GPR141: variants seen among roughly 807,000 people sequenced by gnomAD.
GPR141 encodes the protein G protein-coupled receptor 141, also known as probable G protein-coupled receptor 141.
GPR141 carries 6 observed loss-of-function variants against 6.8 expected under a neutral mutation model. The ratio of observed to expected loss-of-function variants is 0.88; its 90% confidence interval spans 0.48 to 1.74. The LOEUF (loss-of-function observed/expected upper bound fraction) is 1.74. Ranked by LOEUF, GPR141 falls within the 40% of genes most tolerant of loss-of-function variation. The pLI, the probability that GPR141 is intolerant of heterozygous loss-of-function variation, is 0.01. For missense variants in GPR141, 372 were observed against 372.9 expected, an observed-to-expected ratio of 1.00 and a Z score of 0.02; for synonymous variants, 140 against 142.3, an observed-to-expected ratio of 0.98 and a Z score of 0.11.
intron 2 of GPR141, among the ~76,000 whole-genome samples, chr7:37,718,391 T>C (rs1431891942): frequency 6.6e-6 from 1 of 151,948 alleles, no homozygotes; most frequent in African/African-American, 2.4e-5. Context: ...CCTGTAATCC[T>C]AGCTACTCTA....
chr7:37,691,035 C>T (rs1285660683), intron 2 of GPR141, among the ~76,000 whole-genome samples: 2 of 152,064 alleles, frequency 1.3e-5, no homozygotes, highest in Non-Finnish European at 2.9e-5. Flanking sequence ...TGTTCTCTTT[C>T]TGAATTGATC....
chr7:37,730,161 C>A (rs1311139327), intron 2 of GPR141: 1 of 152,182 alleles, frequency 6.6e-6, no homozygotes, highest in Non-Finnish European at 1.5e-5. Flanking sequence ...TTGTTTCCCC[C>A]CTTCTTTCTC....
At chr7:37,696,706 A>G (rs1810031595) in intron 2 of GPR141, among the ~76,000 whole-genome samples, 1 of 151,936 alleles carries the variant, frequency 6.6e-6, no homozygotes. Context: ...TTTGGTTGTA[A>G]TCTCCTTGTA....
intron 2 of GPR141, among the ~76,000 whole-genome samples, chr7:37,720,612 G>A (rs1052916343): frequency 2.6e-5 from 4 of 151,904 alleles, no homozygotes; most frequent in Non-Finnish European, 5.9e-5. Flanking sequence ...GTGGTGGTGG[G>A]CACCTGTACT....
At chr7:37,720,464 C>T (rs1205507894) in intron 2 of GPR141, among the ~76,000 whole-genome samples, 6 of 152,082 alleles carry the variant, frequency 3.9e-5, no homozygotes, top group East Asian at 1.9e-4. Context: ...GAAATTAGGC[C>T]GGCACCATGG....
intron 2 of GPR141, among the ~76,000 whole-genome samples, chr7:37,734,967 A>C (rs566841365): frequency 6.6e-6 from 1 of 152,268 alleles, no homozygotes; most frequent in Non-Finnish European, 1.5e-5. Context: ...GAAATTTATA[A>C]AAGTTAGGGA....
intron 2 of GPR141, among the ~76,000 whole-genome samples, chr7:37,720,079 C>T (rs538768897): frequency 1.1e-4 from 17 of 152,146 alleles, no homozygotes; most frequent in East Asian, 3.9e-4. Context: ...GCCAGGGCAA[C>T]GACATGAAAG....
rs569421299 is a variant in GPR141, at chr7:37,729,264, G to C, written c.-14-11116G>C. ...GGGGAAAATCAGAGTTTGAGGCCAG[G>C]CTTCATGATGACCTTCCAAGGTCAA... is the stretch of plus-strand genomic sequence containing the variant. On this transcript the variant is annotated intron_variant, in intron 2 of 2. Transcript: ENST00000334425. Among the ~76,000 whole-genome samples the C allele has an allele frequency of 2.1e-3, 315 of 152,288 alleles. 1 individual carries two copies. Among genetic ancestry groups the C allele is most frequent in the African/African-American group, 7.2e-3 (301 of 41,556 alleles).
In GPR141 at chr7:37,741,949, T is replaced by A. The variant is rs1274429064; in HGVS notation, c.*638T>A. On this transcript the variant is annotated 3_prime_UTR_variant, in exon 3 of 3. Coordinates refer to ENST00000334425, the MANE Select transcript of GPR141 (RefSeq NM_001381946.1). ...CTAGATTTGTCCTGTGAAAGGTCGTTTAAGGACTTGGGGATCAACTTCCTC... is the reference window on the plus strand; with the variant it reads ...CTAGATTTGTCCTGTGAAAGGTCGTATAAGGACTTGGGGATCAACTTCCTC... Among the ~76,000 whole-genome samples the A allele has an allele frequency of 1.3e-5, 2 of 152,168 alleles. No homozygotes were observed. Among genetic ancestry groups the A allele is most frequent in the Non-Finnish European group, 2.9e-5 (2 of 68,022 alleles).
rs1252514077 is a variant in GPR141 at position 37,742,111 on chromosome 7, A to G, written c.*800A>G. Among the ~76,000 whole-genome samples, 1 of 152,160 alleles carries G rather than the reference A, an allele frequency of 6.6e-6. No homozygotes were observed. Among genetic ancestry groups the G allele is most frequent in the Non-Finnish European group, 1.5e-5 (1 of 68,028 alleles). On this transcript the variant is annotated 3_prime_UTR_variant, in exon 3 of 3. Coordinates refer to ENST00000334425, the MANE Select transcript of GPR141 (RefSeq NM_001381946.1). ...GGCATTAAAATGAGTTCCCAAGGGA[A>G]GTGATTAAAATTTTTTTCTCTTCTG...
intron 2 of GPR141, among the ~76,000 whole-genome samples, chr7:37,699,965 C>T (rs1220338107): frequency 6.6e-6 from 1 of 152,154 alleles, no homozygotes; most frequent in Non-Finnish European, 1.5e-5. Context: ...GCTTTTCTGT[C>T]CTTCAGTCTA....
intron 2 of GPR141, among the ~76,000 whole-genome samples, chr7:37,714,959 T>C (rs1260992029): frequency 6.6e-6 from 1 of 152,240 alleles, no homozygotes; most frequent in African/African-American, 2.4e-5. Context: ...CTTTTCTGGA[T>C]ATTATTTGTC....
intron 2 of GPR141, among the ~76,000 whole-genome samples, chr7:37,731,311 G>A (rs1408979253): frequency 6.6e-6 from 1 of 152,212 alleles, no homozygotes; most frequent in Admixed American, 6.5e-5. Context: ...GGAGGTGATT[G>A]TCCAGCTCTG....
chr7:37,741,481 C>T lies in GPR141; in HGVS notation c.*170C>T, dbSNP rs73346214. On this transcript the variant is annotated 3_prime_UTR_variant, in exon 3 of 3. Coordinates refer to ENST00000334425, the MANE Select transcript of GPR141 (RefSeq NM_001381946.1). ...CATTGTAGTCCTTATGGGATCCCTC[C>T]CATCTCTGAGTGATGGCCGTACAAA... 1,813 of 561,554 alleles carry T rather than the reference C, an allele frequency of 3.2e-3. 16 individuals carry two copies. The highest frequency in any genetic ancestry group is 0.022 in the African/African-American group (1,155 of 52,830). The allele number at this position is 561,554 out of a possible 1,614,324, so 34.8% of individuals were successfully genotyped here. A position where few individuals can be genotyped will look rare whatever the true frequency, so the allele number is the denominator to read the frequency against.
intron 2 of GPR141, among the ~76,000 whole-genome samples, chr7:37,736,847 A>G (rs1480931061): frequency 6.6e-6 from 1 of 152,216 alleles, no homozygotes; most frequent in African/African-American, 2.4e-5. Context: ...AAACACAGAA[A>G]TTCAAGAAGA....
At chr7:37,731,681 T>A (rs1399501839) in intron 2 of GPR141, among the ~76,000 whole-genome samples, 3 of 152,218 alleles carry the variant, frequency 2.0e-5, no homozygotes, top group African/African-American at 7.2e-5. Context: ...CTCAATCTCC[T>A]GACCTCGTGA....
intron 2 of GPR141, chr7:37,709,939 T>C (rs1043033532): frequency 6.6e-6 from 1 of 152,214 alleles, no homozygotes; most frequent in African/African-American, 2.4e-5. Context: ...CATGAACAGT[T>C]GCCAAATGCC....
intron 2 of GPR141, among the ~76,000 whole-genome samples, chr7:37,736,838 AAC>A (rs1266508647): frequency 6.6e-6 from 1 of 152,210 alleles, no homozygotes; most frequent in Non-Finnish European, 1.5e-5. Flanking sequence ...ACCCAATGGA[AAC>A]ACAGAAATTC....
chr7:37,741,263 G>A lies in GPR141; in HGVS notation c.870G>A (p.Trp290Ter). 1 of 1,605,994 alleles carries A rather than the reference G, an allele frequency of 6.2e-7. No individual in the cohort carries two copies. The highest frequency in any genetic ancestry group is 8.5e-7 in the Non-Finnish European group (1 of 1,174,594). ...LLLFVFGGSH[W>*]FKQKIIGLWN... Reference sequence around the variant, plus strand: ...TCTTTGTCTTTGGGGGAAGCCATTGGTTTAAGCAAAAGATAATTGGCTTAT... The same window carrying A: ...TCTTTGTCTTTGGGGGAAGCCATTGATTTAAGCAAAAGATAATTGGCTTAT... Residue 290 changes from tryptophan to a stop codon, truncating the protein, a stop_gained, in exon 3 of 3, where the codon TGG becomes TGA. Transcript: ENST00000334425. LOFTEE classifies it high-confidence loss of function.
Sources: gnomAD v4.1 joint callset for allele counts (sites outside exome capture counted in the v4.1 genomes callset) on GRCh38, gnomAD v4.1.1 for gene constraint, MANE v1.5 for transcripts, NCBI Gene and HGNC (gene_info 2026-07-23, HGNC 2026-07-21) for gene names.